Variants in NRG1 observed in about 807,000 individuals in gnomAD.
NRG1 encodes neuregulin 1, also known as pro-neuregulin-1, membrane-bound isoform.
In NRG1, 18 loss-of-function variants were observed where a neutral mutation model predicts 63.8. That is an observed-to-expected ratio of 0.28 (90% CI 0.19 to 0.42). NRG1 has a LOEUF of 0.42. Ranked by LOEUF, NRG1 falls within the 10% of genes least tolerant of loss-of-function variation. NRG1 has a pLI of 1.00. For missense variants in NRG1, 762 were observed against 814.7 expected (o/e 0.94, Z 0.79); for synonymous variants, 302 against 301.3 (o/e 1.00, Z -0.02).
chr8:31,640,623 C>T lies in NRG1; in HGVS notation c.37+1192C>T. 1 of 1,610,832 alleles carries T rather than the reference C, an allele frequency of 6.2e-7. No homozygotes were observed. Among genetic ancestry groups the T allele is most frequent in the Non-Finnish European group, 8.5e-7 (1 of 1,179,194 alleles). ...ACATCTTCTTCATGGAGCCCGACGC[C>T]AACAGCACCAGCCGCGCGCCGGCCG... On this transcript the variant is annotated intron_variant, in intron 1 of 10. Coordinates refer to the NRG1 transcript ENST00000519301. The surrounding 1 kb of genome is among the most constrained non-coding windows in gnomAD (Gnocchi z 6.3).
chr8:31,918,893 G>A (rs61052743), intron 1 of NRG1, among the ~76,000 whole-genome samples: 2,645 of 152,008 alleles, frequency 0.017, 81 homozygotes, highest in African/African-American at 0.059. Flanking sequence ...TGTTATTGGT[G>A]TATTCAGAGA....
intron 1 of NRG1, among the ~76,000 whole-genome samples, chr8:31,985,419 A>G (rs947035219): frequency 1.3e-5 from 2 of 152,090 alleles, no homozygotes; most frequent in Non-Finnish European, 2.9e-5. Flanking sequence ...TACACCCAGT[A>G]CCTCTAAAAA....
In NRG1 at chr8:32,168,086, A is replaced by G. The variant is rs989668715; in HGVS notation, c.38-427742A>G. Among the ~76,000 whole-genome samples the G allele has an allele frequency of 1.1e-4, 17 of 152,266 alleles. No individual in the cohort carries two copies. The South Asian group carries it at 3.3e-3, about 30-fold the overall frequency. ...ATTGTTACATCACTGATTCCTCACC[A>G]TGCTAACACATTCAATAATCTGACG... On this transcript the variant is annotated intron_variant, in intron 1 of 10. Transcript: ENST00000519301.
At chr8:31,653,337 G>T (rs898057704) in intron 1 of NRG1, among the ~76,000 whole-genome samples, 1 of 151,936 alleles carries the variant, frequency 6.6e-6, no homozygotes, top group Non-Finnish European at 1.5e-5. Flanking sequence ...GTTAGGGTAG[G>T]CTAACTGCAG....
intron 1 of NRG1, among the ~76,000 whole-genome samples, chr8:32,148,506 C>T (rs560158583): frequency 3.0e-4 from 45 of 152,304 alleles, no homozygotes; most frequent in African/African-American, 1.1e-3. Context: ...TCACACCATA[C>T]TCCTGCCTCA....
intron 1 of NRG1, among the ~76,000 whole-genome samples, chr8:32,264,963 C>T (rs1850765762): frequency 6.6e-6 from 1 of 152,146 alleles, no homozygotes; most frequent in Admixed American, 6.6e-5. Flanking sequence ...AAGGAACAAA[C>T]CCACTTGCTG....
At chr8:32,109,735 C>T (rs1414089934) in intron 1 of NRG1, among the ~76,000 whole-genome samples, 3 of 152,048 alleles carry the variant, frequency 2.0e-5, no homozygotes, top group Non-Finnish European at 4.4e-5. Context: ...CTTCAGTTCC[C>T]CTCAATTCAA....
chr8:32,253,491 G>T (rs564237735), intron 1 of NRG1, among the ~76,000 whole-genome samples: 80 of 152,242 alleles, frequency 5.3e-4, no homozygotes, highest in South Asian at 1.9e-3. Context: ...GATGGATTAC[G>T]TTTATTGGTT....
chr8:32,369,895 G>A (rs968956144), intron 1 of NRG1, among the ~76,000 whole-genome samples: 5 of 152,066 alleles, frequency 3.3e-5, no homozygotes, highest in African/African-American at 7.2e-5. Flanking sequence ...AAGTAAAGAT[G>A]GTAAGAGTGC....
At chr8:32,512,013 A>T (rs1829279316) in intron 1 of NRG1, among the ~76,000 whole-genome samples, 1 of 151,996 alleles carries the variant, frequency 6.6e-6, no homozygotes, top group African/African-American at 2.4e-5. Flanking sequence ...GCCAGGTAGG[A>T]GGCTATAATG....
intron 5 of NRG1, among the ~76,000 whole-genome samples, chr8:32,687,017 T>G (rs1478697437): frequency 6.6e-6 from 1 of 152,320 alleles, no homozygotes; most frequent in Non-Finnish European, 1.5e-5. Flanking sequence ...CATAATCTTG[T>G]TCCTGAATGG....
At chr8:31,868,165 C>T (rs1174978929) in intron 1 of NRG1, among the ~76,000 whole-genome samples, 2 of 150,628 alleles carry the variant, frequency 1.3e-5, no homozygotes, top group Non-Finnish European at 3.0e-5. Flanking sequence ...CACACACACA[C>T]ACACACACAC....
At chr8:31,659,881 C>A (rs2130930013) in intron 1 of NRG1, among the ~76,000 whole-genome samples, 1 of 152,280 alleles carries the variant, frequency 6.6e-6, no homozygotes, top group African/African-American at 2.4e-5. Context: ...TCCCTGCTGA[C>A]TTGGGTGTAT....
At chr8:32,517,230 C>T (rs941816078) in intron 1 of NRG1, among the ~76,000 whole-genome samples, 1 of 152,132 alleles carries the variant, frequency 6.6e-6, no homozygotes, top group South Asian at 2.1e-4. Flanking sequence ...ACATCAAATT[C>T]CTTGCAGGTT....
chr8:32,202,060 T>A (rs2132302385), intron 1 of NRG1, among the ~76,000 whole-genome samples: 1 of 152,338 alleles, frequency 6.6e-6, no homozygotes, highest in Non-Finnish European at 1.5e-5. Context: ...ATGGTTGTGG[T>A]CTGCATGAGA....
intron 1 of NRG1, among the ~76,000 whole-genome samples, chr8:31,853,825 T>A (rs973044028): frequency 1.6e-4 from 25 of 151,988 alleles, no homozygotes; most frequent in Admixed American, 1.6e-3. Flanking sequence ...GCATGAAGAG[T>A]TGTTGAATTT....
chr8:32,266,916 G>C (rs542029780), intron 1 of NRG1, among the ~76,000 whole-genome samples: 61 of 151,330 alleles, frequency 4.0e-4, no homozygotes, highest in African/African-American at 1.5e-3. Context: ...AGACGTGGTG[G>C]CACATGCCTG....
chr8:32,118,355 C>T (rs28694627), intron 1 of NRG1, among the ~76,000 whole-genome samples: 4 of 151,462 alleles, frequency 2.6e-5, no homozygotes, highest in South Asian at 4.2e-4. Context: ...GTTCCTCTTC[C>T]CCCTCTCTCT....
chr8:32,294,966 T>C (rs1417949004), intron 1 of NRG1, among the ~76,000 whole-genome samples: 1 of 152,126 alleles, frequency 6.6e-6, no homozygotes, highest in Non-Finnish European at 1.5e-5. Flanking sequence ...CACCTACTTA[T>C]AAAAACTCTA....
Sources: allele counts gnomAD v4.1 joint callset (sites outside exome capture counted in the v4.1 genomes callset), GRCh38; gene constraint gnomAD v4.1.1; non-coding constraint Gnocchi (gnomAD v3.1); transcripts MANE v1.5; gene names NCBI Gene and HGNC (gene_info 2026-07-23, HGNC 2026-07-21).